Variants in TENM2 observed in about 807,000 individuals in gnomAD.
TENM2 encodes the protein teneurin transmembrane protein 2.
A neutral mutation model predicts 245.2 loss-of-function variants in TENM2; 52 were observed. That is an observed-to-expected ratio of 0.21 (90% CI 0.17 to 0.27). The LOEUF is 0.27. TENM2 is among the 10% of genes least tolerant of loss of function. TENM2 has a pLI of 1.00. For missense variants in TENM2, 3,046 were observed against 3,666.8 expected, an observed-to-expected ratio of 0.83 and a Z score of 4.37; for synonymous variants, 1,363 against 1,438.9, an observed-to-expected ratio of 0.95 and a Z score of 1.19.
rs145091614 is a variant in TENM2, at chr5:167,395,472, T to G, written c.502+19999T>G. Among the ~76,000 whole-genome samples the G allele has an allele frequency of 9.7e-3, 1,476 of 152,280 alleles. 6 individuals carry two copies. Among genetic ancestry groups the G allele is most frequent in the Middle Eastern group, 0.041 (12 of 294 alleles). The stretch of plus-strand genomic sequence containing the variant: ...GGCGATAGCATTACTTCTTCCTTTC[T>G]AACTTGGATGCCTTTTATTCCCTTT... On this transcript the variant is annotated intron_variant, in intron 2 of 28. Transcript: ENST00000518659.
chr5:167,660,686 A>G (rs1755155368), intron 2 of TENM2, among the ~76,000 whole-genome samples: 1 of 152,052 alleles, frequency 6.6e-6, no homozygotes, highest in Admixed American at 6.6e-5. Flanking sequence ...CATTTTTTAA[A>G]GTCTAACACC....
the TENM2 span, among the ~76,000 whole-genome samples, chr5:167,250,619 TACA>T: frequency 6.6e-6 from 1 of 152,164 alleles, no homozygotes; most frequent in Non-Finnish European, 1.5e-5. Context: ...TGACAGGTAT[TACA>T]AACTCTTGCT....
intron 3 of TENM2, among the ~76,000 whole-genome samples, chr5:167,951,961 G>T (rs1780144723): frequency 6.6e-6 from 1 of 152,106 alleles, no homozygotes; most frequent in Non-Finnish European, 1.5e-5. Context: ...TACAAGTCCA[G>T]ATTTCCAGCT....
At position 167,836,128 on chromosome 5, in the gene TENM2, G is replaced by A. The variant is rs1238980454; in HGVS notation, c.503-39858G>A. On this transcript the variant is annotated intron_variant, in intron 2 of 28. Coordinates refer to ENST00000518659, the Ensembl canonical transcript of TENM2. ...GTTTTTAAGTAAGTTTTATTAACAAGTGACAATTACTTTTTTATGATACAT... is the reference window on the plus strand; with the variant it reads ...GTTTTTAAGTAAGTTTTATTAACAAATGACAATTACTTTTTTATGATACAT... 2.0e-5 allele frequency among the ~76,000 whole-genome samples: 3 copies of A among 152,272 alleles called. No homozygotes were observed. The East Asian group carries it at 5.8e-4, about 29-fold the overall frequency.
chr5:168,055,573 A>G (rs1183656578), intron 6 of TENM2, among the ~76,000 whole-genome samples: 2 of 152,214 alleles, frequency 1.3e-5, no homozygotes, highest in African/African-American at 4.8e-5. Flanking sequence ...CTGCTCTGGA[A>G]AATGACTGCC....
chr5:168,235,810 GA>G (rs3083562), intron 25 of TENM2, among the ~76,000 whole-genome samples: 1 of 149,490 alleles, frequency 6.7e-6, no homozygotes, highest in Admixed American at 6.7e-5. Flanking sequence ...CTGCCTCAAA[GA>G]AAAAAAAAAG....
At chr5:167,828,880 G>C (rs1768213933) in intron 2 of TENM2, among the ~76,000 whole-genome samples, 1 of 152,202 alleles carries the variant, frequency 6.6e-6, no homozygotes, top group Non-Finnish European at 1.5e-5. Context: ...GAGAACATGA[G>C]AGGAAGAACC....
intron 1 of TENM2, among the ~76,000 whole-genome samples, chr5:167,342,190 C>G (rs1402452158): frequency 6.6e-6 from 1 of 152,038 alleles, no homozygotes; most frequent in East Asian, 1.9e-4. Flanking sequence ...GTTCCAGGAC[C>G]CCATCCTGGA....
chr5:168,039,769 AT>A (rs1788021712), intron 5 of TENM2, among the ~76,000 whole-genome samples: 1 of 151,922 alleles, frequency 6.6e-6, no homozygotes, highest in African/African-American at 2.4e-5. Flanking sequence ...TTATGTATTG[AT>A]CTTTCCAGTG....
At chr5:167,182,755 C>T in the TENM2 span, among the ~76,000 whole-genome samples, 3 of 152,036 alleles carry the variant, frequency 2.0e-5, no homozygotes. Context: ...GTGGTGATAC[C>T]AGATCCCACT....
chr5:168,044,560 C>A (rs938688795), intron 5 of TENM2, among the ~76,000 whole-genome samples: 7 of 151,944 alleles, frequency 4.6e-5, no homozygotes, highest in African/African-American at 1.7e-4. Context: ...CCCCCCAAAT[C>A]TGCCCCCCGT....
chr5:167,604,096 A>T (rs868037702), intron 2 of TENM2, among the ~76,000 whole-genome samples: 2 of 152,326 alleles, frequency 1.3e-5, no homozygotes, highest in African/African-American at 2.4e-5. Flanking sequence ...AAAATTAACT[A>T]AATTTAAAAA....
chr5:168,042,943 C>T (rs1788319121), intron 5 of TENM2, among the ~76,000 whole-genome samples: 1 of 152,194 alleles, frequency 6.6e-6, no homozygotes, highest in African/African-American at 2.4e-5. Context: ...TCCTTAGTGA[C>T]CCATGGAGCC....
At chr5:168,237,255 C>T (rs1428279963) in intron 25 of TENM2, among the ~76,000 whole-genome samples, 2 of 150,562 alleles carry the variant, frequency 1.3e-5, no homozygotes, top group Admixed American at 6.6e-5. Flanking sequence ...TAACCTCAAG[C>T]GATCCACCCG....
chr5:167,269,316 C>T, the TENM2 span, among the ~76,000 whole-genome samples: 3 of 151,922 alleles, frequency 2.0e-5, no homozygotes, highest in African/African-American at 4.8e-5. Flanking sequence ...CTTTATTGGG[C>T]GCTCTTTAAT....
intron 2 of TENM2, among the ~76,000 whole-genome samples, chr5:167,633,129 C>T (rs1778981071): frequency 6.6e-6 from 1 of 152,096 alleles, no homozygotes; most frequent in Non-Finnish European, 1.5e-5. Flanking sequence ...GTCTGGGAGG[C>T]AGTGGCTTAA....
At chr5:167,231,330 C>T in the TENM2 span, among the ~76,000 whole-genome samples, 5 of 152,234 alleles carry the variant, frequency 3.3e-5, no homozygotes, top group South Asian at 2.1e-4. Context: ...TTTGGAACTT[C>T]GTAGAGACTT....
intron 25 of TENM2, among the ~76,000 whole-genome samples, chr5:168,233,976 G>A (rs939796082): frequency 2.6e-5 from 4 of 152,112 alleles, no homozygotes; most frequent in African/African-American, 9.7e-5. Flanking sequence ...CAACACATGG[G>A]AATTCTAGGA....
intron 3 of TENM2, among the ~76,000 whole-genome samples, chr5:167,915,908 G>C (rs1776901155): frequency 6.6e-6 from 1 of 152,162 alleles, no homozygotes; most frequent in Admixed American, 6.5e-5. Flanking sequence ...AGAAATGTGG[G>C]CAATAGGTAT....
Sources: allele counts gnomAD v4.1 joint callset (sites outside exome capture counted in the v4.1 genomes callset), GRCh38; gene constraint gnomAD v4.1.1; transcripts MANE v1.5; gene names NCBI Gene and HGNC (gene_info 2026-07-23, HGNC 2026-07-21).